RBM5: variants seen among roughly 807,000 people sequenced by gnomAD.
RBM5 encodes RNA-binding protein 5.
Under a neutral mutation model 124.6 loss-of-function variants are expected in RBM5, and 15 were observed. The ratio of observed to expected loss-of-function variants is 0.12; its 90% CI spans 0.08 to 0.19. RBM5 has a LOEUF of 0.19. Among genes scored for constraint, RBM5 ranks in the 10% least tolerant of loss-of-function variants. The pLI is 1.00. For synonymous variants in RBM5, 337 were observed against 361.2 expected (o/e 0.93, Z 0.76); for missense variants, 580 against 1,026.5 (o/e 0.57, Z 5.94).
rs569041333 is a variant in RBM5 at position 50,110,977 on chromosome 3, C to CA, written c.1455+214dup. On this transcript the variant is annotated intron_variant, in intron 17 of 24. Coordinates refer to ENST00000347869, the MANE Select transcript of RBM5 (RefSeq NM_005778.4). ...AATGTTTTGAGGTATAATATACACA[C>CA]AAAAAAATACACAAAACAGAAATGT... 47 of 532,438 alleles carry CA rather than the reference C, an allele frequency of 8.8e-5. 1 individual carries two copies. Among genetic ancestry groups the CA allele is most frequent in the African/African-American group, 1.3e-4 (7 of 52,052 alleles). 33.0% of individuals were successfully genotyped at this position (532,438 alleles called of 1,614,324 possible).
At chr3:50,118,225 T>C in intron 24 of RBM5, 106 bp from the exon 25 acceptor site, 1 of 1,455,618 alleles carries the variant, frequency 6.9e-7, no homozygotes, top group Admixed American at 2.1e-5. Context: ...CAGTTTTCTC[T>C]CTTCTGTCTC....
At chr3:50,097,051 T>C (rs1472733557) in intron 4 of RBM5, among the ~76,000 whole-genome samples, 1 of 152,044 alleles carries the variant, frequency 6.6e-6, no homozygotes, top group Non-Finnish European at 1.5e-5. Flanking sequence ...CAAAGTGCTA[T>C]TGTGGCTAGG....
chr3:50,109,332 C>G (rs1368682571), intron 14 of RBM5, among the ~76,000 whole-genome samples: 1 of 152,176 alleles, frequency 6.6e-6, no homozygotes, highest in Non-Finnish European at 1.5e-5. Context: ...CTTTTCCTTC[C>G]AAAGTGCTGG....
intron 3 of RBM5, 50 bp downstream of exon 3, chr3:50,092,258 G>A: frequency 6.4e-7 from 1 of 1,574,144 alleles, no homozygotes; most frequent in African/African-American, 1.4e-5. Context: ...GAGCCTTATA[G>A]TAATAGAAAT....
At chr3:50,106,112 C>G (rs1267843129) in intron 10 of RBM5, among the ~76,000 whole-genome samples, 2 of 135,678 alleles carry the variant, frequency 1.5e-5, no homozygotes, top group Non-Finnish European at 3.1e-5. Context: ...GCCACCACGC[C>G]CAGCTATTTT....
At chr3:50,089,695 T>A (rs1284128235) in intron 1 of RBM5, among the ~76,000 whole-genome samples, 1 of 152,048 alleles carries the variant, frequency 6.6e-6, no homozygotes, top group East Asian at 1.9e-4. Context: ...CTACTGGAAC[T>A]GATTTTTCGG....
At position 50,104,294 on chromosome 3, in the gene RBM5, G is replaced by T; in HGVS notation, c.614G>T (p.Gly205Val). Reference sequence around the variant, plus strand: ...AAAAGACTAAAATGCTTCCGATGTGGAGCAGACAAGTTTGGTAAGACTGGA... The same window carrying T: ...AAAAGACTAAAATGCTTCCGATGTGTAGCAGACAAGTTTGGTAAGACTGGA... ...FRKRLKCFRCGADKFDSEQEV... is the reference protein window; with the variant it reads ...FRKRLKCFRCVADKFDSEQEV... Residue 205 changes from glycine to valine, a missense_variant, in exon 8 of 25, where the codon GGA (glycine) becomes GTA (valine). Around this residue, in one of 6 missense-constraint regions of RBM5, gnomAD observed 101 missense variants for 223.2 expected, o/e 0.45. Transcript: ENST00000347869. 6.2e-7 allele frequency: 1 copy of T among 1,614,062 alleles called. No homozygotes were observed. The highest frequency in any genetic ancestry group is 1.1e-5 in the South Asian group (1 of 91,062).
chr3:50,111,863 C>G (rs2109014298), intron 17 of RBM5, among the ~76,000 whole-genome samples: 1 of 152,176 alleles, frequency 6.6e-6, no homozygotes, highest in East Asian at 1.9e-4. Context: ...ATAAATAACT[C>G]TATTTATGAC....
At chr3:50,109,485 C>G in intron 14 of RBM5, 118 bp from the exon 15 acceptor site, 1 of 763,554 alleles carries the variant, frequency 1.3e-6, no homozygotes, top group Non-Finnish European at 2.3e-6. Flanking sequence ...TGGAAGTTAG[C>G]TTATGAAGAA....
intron 1 of RBM5, among the ~76,000 whole-genome samples, chr3:50,089,325 C>T (rs1172962278): frequency 6.6e-6 from 1 of 152,256 alleles, no homozygotes; most frequent in East Asian, 1.9e-4. Flanking sequence ...GTCGCCTGTC[C>T]CTCGGGCACT....
intron 22 of RBM5, 117 bp downstream of exon 22, chr3:50,116,097 G>C: frequency 1.0e-6 from 1 of 955,810 alleles, no homozygotes; most frequent in Non-Finnish European, 1.6e-6. Flanking sequence ...TCATACCCTT[G>C]TCATCTGACC....
At chr3:50,103,021 C>A in intron 6 of RBM5, 62 bp from the exon 7 acceptor site, 1 of 1,339,612 alleles carries the variant, frequency 7.5e-7, no homozygotes, top group Non-Finnish European at 1.1e-6. Flanking sequence ...GTGTGCTCTG[C>A]CCTGGGAAAA....
At position 50,108,290 on chromosome 3, in the gene RBM5, C is replaced by G. The variant is rs1282292342; in HGVS notation, c.1178C>G (p.Ala393Gly). 1 of 1,609,908 alleles carries G rather than the reference C, an allele frequency of 6.2e-7. No individual in the cohort carries two copies. Among genetic ancestry groups the G allele is most frequent in the Non-Finnish European group, 8.5e-7 (1 of 1,176,200 alleles). ...QQQAGGLESD[A>G]SSASGTAVTT... is the part of the protein sequence containing the mutation. ...CAAGCTGGAGGATTGGAATCTGATGCATCATCTGCATCAGGTAGTAAACTT... is the reference window on the plus strand; with the variant it reads ...CAAGCTGGAGGATTGGAATCTGATGGATCATCTGCATCAGGTAGTAAACTT... Residue 393 changes from alanine (A) to glycine (G), a missense_variant, in exon 14 of 25, where the codon GCA (alanine) becomes GGA (glycine). Transcript: ENST00000347869.
intron 22 of RBM5, 174 bp downstream of exon 22, chr3:50,116,154 C>CCT: frequency 1.6e-6 from 1 of 610,524 alleles, no homozygotes; most frequent in Non-Finnish European, 2.9e-6. Context: ...GCCTTGTGAG[C>CCT]CTCACATTGT....
chr3:50,116,088 C>A, intron 22 of RBM5, 108 bp downstream of exon 22: 1 of 1,068,652 alleles, frequency 9.4e-7, no homozygotes, highest in Admixed American at 1.9e-5. Flanking sequence ...GAGGATTTGT[C>A]ATACCCTTGT....
chr3:50,101,733 G>T (rs1169955206), intron 6 of RBM5: 3 of 152,118 alleles, frequency 2.0e-5, no homozygotes, highest in African/African-American at 7.2e-5. Flanking sequence ...ACTAAAACCT[G>T]TAAGACATTT....
At chr3:50,114,584 CATT>C (rs1364470807) in intron 20 of RBM5, 2 of 252,634 alleles carry the variant, frequency 7.9e-6, no homozygotes, top group Non-Finnish European at 1.5e-5. Context: ...CTGGGTGGGC[CATT>C]ATTCTGATAT....
Position 50,107,040 on chromosome 3 carries a change from G to C in RBM5, c.953+176G>C, listed in dbSNP as rs2091046402. The C allele has an allele frequency of 2.7e-5, 19 of 706,994 alleles. No individual in the cohort carries two copies. The East Asian group carries it at 5.2e-4, about 19-fold the overall frequency. 43.8% of individuals were successfully genotyped at this position (706,994 alleles called of 1,614,324 possible). ...TAGTGATTATTCCCTACTGTCCTGTGTAACCAGTTGATGAAGTTGCCTGAA... is the reference window on the plus strand; with the variant it reads ...TAGTGATTATTCCCTACTGTCCTGTCTAACCAGTTGATGAAGTTGCCTGAA... On this transcript the variant is annotated intron_variant, in intron 11 of 24. Transcript: ENST00000347869.
intron 4 of RBM5, among the ~76,000 whole-genome samples, chr3:50,097,873 G>A (rs1464156896): frequency 6.6e-6 from 1 of 152,146 alleles, no homozygotes; most frequent in Non-Finnish European, 1.5e-5. Flanking sequence ...GGCCAAGGTG[G>A]GTGGATTACC....
Sources: allele counts gnomAD v4.1 joint callset (sites outside exome capture counted in the v4.1 genomes callset), GRCh38; gene constraint gnomAD v4.1.1; regional missense constraint gnomAD v4.1.1; transcripts MANE v1.5; gene names NCBI Gene and HGNC (gene_info 2026-07-23, HGNC 2026-07-21).